SNHG17: variants seen among roughly 807,000 people sequenced by gnomAD.
SNHG17 encodes small nucleolar RNA host gene 17, also known as small nucleolar RNA host gene 17 (non-protein coding).
chr20:38,423,628 T>C (rs1170114194), intron 5 of SNHG17, among the ~76,000 whole-genome samples: 1 of 135,778 alleles, frequency 7.4e-6, no homozygotes, highest in Non-Finnish European at 1.6e-5. Context: ...CTGAAGGAAA[T>C]AGGGAGATGT....
intron 5 of SNHG17, chr20:38,422,381 C>T (rs1372584315): frequency 6.6e-6 from 1 of 152,290 alleles, no homozygotes; most frequent in Non-Finnish European, 1.5e-5. Flanking sequence ...GAAACAGACA[C>T]AGAGAACACT....
rs148856809 is a variant in SNHG17 at position 38,422,611 on chromosome 20, A to G, written n.580-370T>C. Among the ~76,000 whole-genome samples the G allele has an allele frequency of 6.9e-3, 1,058 of 152,270 alleles. 16 individuals carry two copies. The highest frequency in any genetic ancestry group is 0.023 in the African/African-American group (955 of 41,530). On this transcript the variant is annotated intron_variant and non_coding_transcript_variant, in intron 5 of 8. Transcript: ENST00000654008. ...ACCCAGCTATCCCTCTTCTGGACAC[A>G]TACTCAATGGAGATCAAATCACACC...
intron 5 of SNHG17, among the ~76,000 whole-genome samples, chr20:38,422,953 G>T (rs961147538): frequency 6.6e-6 from 1 of 151,952 alleles, no homozygotes; most frequent in Non-Finnish European, 1.5e-5. Context: ...TTATCCAGGC[G>T]TGGTGGCATG....
intron 1 of SNHG17, chr20:38,434,713 G>A (rs1055668349): frequency 5.1e-6 from 2 of 393,786 alleles, no homozygotes; most frequent in African/African-American, 4.3e-5. Flanking sequence ...AGTGCTGGCA[G>A]CGTCTTCCAT....
intron 5 of SNHG17, chr20:38,425,325 T>C: frequency 5.8e-6 from 3 of 519,108 alleles, no homozygotes; most frequent in South Asian, 2.8e-5. Context: ...CACTTTCGAA[T>C]ACAGGGACAA....
intron 2 of SNHG17, chr20:38,433,884 T>C (rs1313454295): frequency 1.9e-6 from 1 of 519,156 alleles, no homozygotes; most frequent in African/African-American, 1.9e-5. Context: ...GCTCCAGAGT[T>C]TGAAAGGGAC....
chr20:38,427,362 G>A (rs768787577), intron 3 of SNHG17: 11 of 518,500 alleles, frequency 2.1e-5, no homozygotes, highest in East Asian at 5.5e-5. Flanking sequence ...CAAACACGGG[G>A]ACAACCTCTT....
exon 7 of SNHG17, chr20:38,421,032 G>C (rs1438144317): frequency 6.6e-6 from 1 of 152,230 alleles, no homozygotes; most frequent in Non-Finnish European, 1.5e-5. Flanking sequence ...AGCAAACCCA[G>C]ATCCCAGATC....
At chr20:38,429,674 G>A in intron 3 of SNHG17, 1 of 493,126 alleles carries the variant, frequency 2.0e-6, no homozygotes, top group South Asian at 1.5e-5. Flanking sequence ...AGGAGGTGTG[G>A]GAAAGCTCCA....
chr20:38,423,969 C>T (rs1026801029), intron 5 of SNHG17, among the ~76,000 whole-genome samples: 1 of 152,052 alleles, frequency 6.6e-6, no homozygotes, highest in African/African-American at 2.4e-5. Flanking sequence ...GCCAGGACTT[C>T]GAGACCAGCC....
At position 38,430,230 on chromosome 20, in the gene SNHG17, A is replaced by C. The variant is rs992315038; in HGVS notation, n.380+811T>G. Among the ~76,000 whole-genome samples the C allele has an allele frequency of 4.0e-5, 6 of 151,850 alleles. No individual in the cohort carries two copies. The South Asian group carries it at 1.3e-3, about 32-fold the overall frequency. The stretch of plus-strand genomic sequence containing the variant: ...CAGCTACTCGGGAGGATGAGGCAGG[A>C]GAATCATTTGAACCCGGGAAGTGGA... On this transcript the variant is annotated intron_variant and non_coding_transcript_variant, in intron 3 of 8. Coordinates refer to ENST00000654008, the Ensembl canonical transcript of SNHG17.
At chr20:38,423,550 T>A (rs1362296066) in intron 5 of SNHG17, among the ~76,000 whole-genome samples, 4 of 125,044 alleles carry the variant, frequency 3.2e-5, no homozygotes, top group Admixed American at 8.2e-5. Context: ...TGTGCAATGT[T>A]AAAAAAAAAA....
intron 6 of SNHG17, chr20:38,421,188 G>T (rs1367789782): frequency 1.3e-5 from 2 of 152,234 alleles, no homozygotes; most frequent in African/African-American, 4.8e-5. Context: ...TCCCATTCAA[G>T]CAGGGCGAAG....
At chr20:38,429,478 G>GGA in intron 3 of SNHG17, 1 of 249,700 alleles carries the variant, frequency 4.0e-6, no homozygotes, top group Admixed American at 6.1e-5. Context: ...GAAAGCTTCC[G>GGA]GGAGGAAGGA....
chr20:38,431,441 G>A (rs552367032), intron 2 of SNHG17, among the ~76,000 whole-genome samples: 37 of 152,320 alleles, frequency 2.4e-4, no homozygotes, highest in African/African-American at 8.7e-4. Flanking sequence ...GGAGACCAAC[G>A]TCAGAAGCCT....
rs766307705 is a variant in SNHG17, at chr20:38,425,158, C to T, written n.579+777G>A. 9.8e-6 allele frequency: 5 copies of T among 508,198 alleles called. No homozygotes were observed. In the East Asian group the frequency reaches 2.8e-4, roughly 28 times the overall value. 31.5% of individuals were successfully genotyped at this position (508,198 alleles called of 1,614,324 possible). A position where few individuals can be genotyped will look rare whatever the true frequency, so the allele number is the denominator to read the frequency against. On this transcript the variant is annotated intron_variant and non_coding_transcript_variant, in intron 5 of 8. Transcript: ENST00000654008. ...GTAAACAGGGGTCTGGCACGACAAC[C>T]AGGTACCAGGAGGTAACATCACTGG...
At chr20:38,428,411 T>C (rs1287197490) in intron 3 of SNHG17, 1 of 152,270 alleles carries the variant, frequency 6.6e-6, no homozygotes, top group East Asian at 1.9e-4. Context: ...GACGTGACTT[T>C]ACAGGGTGCA....
At chr20:38,424,673 T>A (rs750709689) in intron 5 of SNHG17, among the ~76,000 whole-genome samples, 2 of 152,042 alleles carry the variant, frequency 1.3e-5, no homozygotes, top group Non-Finnish European at 2.9e-5. Context: ...AACCAACAAT[T>A]CCCAGACAGT....
At chr20:38,424,111 A>G (rs1236308992) in intron 5 of SNHG17, among the ~76,000 whole-genome samples, 5 of 151,794 alleles carry the variant, frequency 3.3e-5, no homozygotes, top group Non-Finnish European at 7.4e-5. Flanking sequence ...CAGAGGCTGC[A>G]GTGAGCCGTG....
Sources: gnomAD v4.1 joint callset for allele counts (sites outside exome capture counted in the v4.1 genomes callset) on GRCh38, gnomAD v4.1.1 for gene constraint, MANE v1.5 for transcripts, NCBI Gene and HGNC (gene_info 2026-07-23, HGNC 2026-07-21) for gene names.